The following DPH6 variants were observed in gnomAD, a reference collection of about 807,000 sequenced individuals.
DPH6 encodes diphthine--ammonia ligase.
A neutral mutation model predicts 38.2 loss-of-function variants in DPH6; 33 were observed. The observed-to-expected ratio is 0.86, with a 90% confidence interval of 0.65 to 1.15. The LOEUF (loss-of-function observed/expected upper bound fraction) is 1.15. Ranked by LOEUF, DPH6 falls within the 50% of genes most tolerant of loss-of-function variation. The pLI, the probability that DPH6 is intolerant of heterozygous loss-of-function variation, is 0.00. For missense variants in DPH6, 325 were observed against 320.0 expected (o/e 1.02, Z -0.12); for synonymous variants, 108 against 103.0 (o/e 1.05, Z -0.30).
chr15:35,483,450 C>T (rs549264742), intron 3 of DPH6, among the ~76,000 whole-genome samples: 3 of 146,784 alleles, frequency 2.0e-5, no homozygotes, highest in South Asian at 2.1e-4. Context: ...GGCAACAGAG[C>T]GAGACTCTGT....
intron 3 of DPH6, among the ~76,000 whole-genome samples, chr15:35,487,552 G>A (rs1404107722): frequency 6.6e-6 from 1 of 152,234 alleles, no homozygotes; most frequent in Non-Finnish European, 1.5e-5. Context: ...TGAAGCAGCT[G>A]GGATGCAGGA....
In DPH6 at chr15:35,371,524, C is replaced by T; in HGVS notation, c.*626G>A. On this transcript the variant is annotated 3_prime_UTR_variant, in exon 9 of 9. Transcript: ENST00000256538. ...CTGTGAACCTAAAACTGTTCTAAAACATAAAGTCTATTTTTTGTAAAAGTT... is the reference window on the plus strand; with the variant it reads ...CTGTGAACCTAAAACTGTTCTAAAATATAAAGTCTATTTTTTGTAAAAGTT... 4 of 944,250 alleles carry T rather than the reference C, an allele frequency of 4.2e-6. No individual in the cohort carries two copies. The highest frequency in any genetic ancestry group is 5.0e-6 in the Non-Finnish European group (4 of 792,654). The allele number at this position is 944,250 out of a possible 1,614,324, so 58.5% of individuals were successfully genotyped here.
chr15:35,387,779 C>T (rs916591649), intron 6 of DPH6, among the ~76,000 whole-genome samples: 10 of 152,156 alleles, frequency 6.6e-5, no homozygotes, highest in African/African-American at 2.2e-4. Flanking sequence ...ACAATCATGT[C>T]ATCTGCAAAC....
chr15:35,288,674 C>T (rs529041811), intron 3 of DPH6, among the ~76,000 whole-genome samples: 28 of 152,178 alleles, frequency 1.8e-4, no homozygotes, highest in Non-Finnish European at 2.8e-4. Context: ...TCTATCAACC[C>T]GCATTTTTCC....
chr15:35,315,198 G>A (rs963180235), intron 3 of DPH6, among the ~76,000 whole-genome samples: 1 of 152,054 alleles, frequency 6.6e-6, no homozygotes, highest in Non-Finnish European at 1.5e-5. Context: ...TGCCTCAACC[G>A]CCGTATTCAC....
chr15:35,440,296 A>G (rs908521411), intron 5 of DPH6, among the ~76,000 whole-genome samples: 2 of 152,228 alleles, frequency 1.3e-5, no homozygotes, highest in African/African-American at 2.4e-5. Flanking sequence ...CCCAAATCTT[A>G]GCAACCCTGA....
chr15:35,534,652 T>A (rs1200191716), intron 3 of DPH6, among the ~76,000 whole-genome samples: 4 of 151,408 alleles, frequency 2.6e-5, no homozygotes, highest in Non-Finnish European at 4.4e-5. Flanking sequence ...AAAATACATT[T>A]AAAAATAAAG....
At chr15:35,166,553 A>C in the DPH6 span, among the ~76,000 whole-genome samples, 1 of 151,992 alleles carries the variant, frequency 6.6e-6, no homozygotes, top group Non-Finnish European at 1.5e-5. Flanking sequence ...AAGAGTTAAG[A>C]ATGATTTTCC....
the DPH6 span, among the ~76,000 whole-genome samples, chr15:35,149,026 G>A: frequency 1.1e-4 from 16 of 151,812 alleles, no homozygotes; most frequent in African/African-American, 3.6e-4. Flanking sequence ...CCTGAATCCT[G>A]CTCAGGGAAT....
chr15:35,520,803 T>C, intron 3 of DPH6: 1 of 984,878 alleles, frequency 1.0e-6, no homozygotes, highest in Non-Finnish European at 1.2e-6. Context: ...CATACCACCA[T>C]ATCACATATT....
rs543662597 is a variant in DPH6, at chr15:35,305,401, T to C, written n.200+68120A>G. Among the ~76,000 whole-genome samples, 30 of 151,898 alleles carry C rather than the reference T, an allele frequency of 2.0e-4. No individual in the cohort carries two copies. In the South Asian group the frequency reaches 6.0e-3, roughly 31 times the overall value. ...ATACTCACACTGTGAAACAACAAAATTAACATTTTCCAAATCTCGTATGTT... is the reference window on the plus strand; with the variant it reads ...ATACTCACACTGTGAAACAACAAAACTAACATTTTCCAAATCTCGTATGTT... On this transcript the variant is annotated intron_variant and non_coding_transcript_variant, in intron 3 of 3. Transcript: ENST00000560386.
chr15:35,356,516 C>T (rs1423871228), intron 3 of DPH6, among the ~76,000 whole-genome samples: 1 of 152,208 alleles, frequency 6.6e-6, no homozygotes, highest in Non-Finnish European at 1.5e-5. Context: ...GGACCCTCAG[C>T]TGCAGGTCTG....
intron 5 of DPH6, among the ~76,000 whole-genome samples, chr15:35,444,099 C>T (rs1373676393): frequency 2.6e-5 from 4 of 152,208 alleles, no homozygotes; most frequent in Admixed American, 6.5e-5. Context: ...AATCACAATA[C>T]CATTCTCTGT....
In DPH6 at chr15:35,298,043, CTTTT is replaced by C. The variant is rs537874401; in HGVS notation, n.200+75474_200+75477del. Among the ~76,000 whole-genome samples, 25 of 152,150 alleles carry C rather than the reference CTTTT, an allele frequency of 1.6e-4. 2 individuals carry two copies. In the South Asian group the frequency reaches 5.2e-3, roughly 32 times the overall value. On this transcript the variant is annotated intron_variant and non_coding_transcript_variant, in intron 3 of 3. Transcript: ENST00000560386. ...TCTCCAATCTTATCTCTAACATTTT[CTTTT>C]TGTTTTTTTTGTAAACGGATTTTTA...
intron 3 of DPH6, among the ~76,000 whole-genome samples, chr15:35,517,352 A>C (rs11858102): frequency 6.6e-6 from 1 of 152,046 alleles, no homozygotes; most frequent in Non-Finnish European, 1.5e-5. Flanking sequence ...TGTCTTCGGT[A>C]ATGTAATCTA....
chr15:35,195,612 G>C, the DPH6 span, among the ~76,000 whole-genome samples: 1 of 152,108 alleles, frequency 6.6e-6, no homozygotes, highest in African/African-American at 2.4e-5. Context: ...GAGCAGGTCT[G>C]ATACTCAGCT....
chr15:35,195,273 TC>T, the DPH6 span, among the ~76,000 whole-genome samples: 2 of 152,214 alleles, frequency 1.3e-5, no homozygotes, highest in Admixed American at 1.3e-4. Context: ...CAAATAATAG[TC>T]CATTGTGTAC....
chr15:35,293,982 T>C lies in DPH6; in HGVS notation n.201-73400A>G, dbSNP rs905843023. ...AATCCAACCTCTAGCCTCTAAGTCC[T>C]ACTCAGTAGGGAGAGAGCTTCACAT... On this transcript the variant is annotated intron_variant and non_coding_transcript_variant, in intron 3 of 3. Transcript: ENST00000560386. Among the ~76,000 whole-genome samples the C allele has an allele frequency of 2.6e-5, 4 of 152,188 alleles. No individual in the cohort carries two copies. In the East Asian group the frequency reaches 5.8e-4, roughly 22 times the overall value.
chr15:35,373,068 C>T (rs1020628069), intron 8 of DPH6, among the ~76,000 whole-genome samples: 1 of 151,814 alleles, frequency 6.6e-6, no homozygotes, highest in Non-Finnish European at 1.5e-5. Flanking sequence ...TTTTGCTTCA[C>T]TTTCCATCTT....
Sources: allele counts gnomAD v4.1 joint callset (sites outside exome capture counted in the v4.1 genomes callset), GRCh38; gene constraint gnomAD v4.1.1; transcripts MANE v1.5; gene names NCBI Gene and HGNC (gene_info 2026-07-23, HGNC 2026-07-21).